The following TOX variants were observed in gnomAD, a reference collection of about 807,000 sequenced individuals.
TOX encodes the protein thymocyte selection associated high mobility group box.
A neutral mutation model predicts 53.7 loss-of-function variants in TOX; 11 were observed. The observed-to-expected ratio is 0.20, with a 90% CI of 0.13 to 0.34. The LOEUF is 0.34. TOX is among the 10% of genes least tolerant of loss of function. The probability of loss-of-function intolerance (pLI) is 1.00; values close to 1 mark genes in which losing one functional copy is unlikely to be tolerated. For synonymous variants in TOX, 225 were observed against 245.3 expected (o/e 0.92, Z 0.77); for missense variants, 570 against 664.6 (o/e 0.86, Z 1.56).
Position 58,807,742 on chromosome 8 carries a change from G to T in TOX, c.*5C>A. 6.2e-7 allele frequency: 1 copy of T among 1,614,090 alleles called. No homozygotes were observed. The highest frequency in any genetic ancestry group is 1.1e-5 in the South Asian group (1 of 91,080). The stretch of plus-strand genomic sequence containing the variant: ...CCTCAGTGGAAAGAAGAGGTGTTCA[G>T]ATTCTCAAGTAAGGTACAGTGCTTT... On this transcript the variant is annotated 3_prime_UTR_variant, in exon 9 of 9. Coordinates refer to ENST00000361421, the MANE Select transcript of TOX (RefSeq NM_014729.3).
chr8:59,112,032 T>G (rs1376460566), intron 1 of TOX, among the ~76,000 whole-genome samples: 2 of 152,212 alleles, frequency 1.3e-5, no homozygotes, highest in African/African-American at 4.8e-5. Flanking sequence ...AAATAGCTTT[T>G]AAAATTTAAC....
intron 1 of TOX, among the ~76,000 whole-genome samples, chr8:59,001,477 A>G (rs1813688100): frequency 6.6e-6 from 1 of 152,184 alleles, no homozygotes; most frequent in Non-Finnish European, 1.5e-5. Flanking sequence ...GCAATCAGTC[A>G]TCAGTTTTGA....
At chr8:59,025,144 G>C (rs1322262341) in intron 1 of TOX, among the ~76,000 whole-genome samples, 1 of 152,124 alleles carries the variant, frequency 6.6e-6, no homozygotes, top group Non-Finnish European at 1.5e-5. Flanking sequence ...TAGTACTGCA[G>C]CCTTGGGCGA....
intron 2 of TOX, among the ~76,000 whole-genome samples, chr8:58,946,511 A>G (rs1193103412): frequency 1.3e-5 from 2 of 152,210 alleles, no homozygotes; most frequent in Non-Finnish European, 2.9e-5. Flanking sequence ...CTTAACGCTC[A>G]GCAAGAATTG....
At chr8:58,949,036 T>C (rs1049315116) in intron 2 of TOX, among the ~76,000 whole-genome samples, 6 of 152,202 alleles carry the variant, frequency 3.9e-5, no homozygotes, top group Non-Finnish European at 8.8e-5. Flanking sequence ...GCTCATCCCT[T>C]AGTAGATGTA....
intron 1 of TOX, among the ~76,000 whole-genome samples, chr8:59,102,568 C>T (rs1044455423): frequency 3.3e-5 from 5 of 152,008 alleles, no homozygotes; most frequent in African/African-American, 9.7e-5. Flanking sequence ...TCGTGAGACC[C>T]GTTCACTATC....
At chr8:58,832,825 A>G (rs1810484951) in intron 5 of TOX, among the ~76,000 whole-genome samples, 2 of 152,228 alleles carry the variant, frequency 1.3e-5, no homozygotes, top group South Asian at 4.1e-4. Context: ...GGCGTCAAAC[A>G]TAGGAATAAA....
chr8:58,858,957 T>G (rs1156592658), intron 3 of TOX, among the ~76,000 whole-genome samples: 1 of 152,174 alleles, frequency 6.6e-6, no homozygotes, highest in African/African-American at 2.4e-5. Flanking sequence ...TGATTACATA[T>G]TTTTGCCAGG....
chr8:58,935,122 G>A (rs904381411), intron 3 of TOX, among the ~76,000 whole-genome samples: 1 of 152,054 alleles, frequency 6.6e-6, no homozygotes, highest in African/African-American at 2.4e-5. Context: ...AGAAACAGAG[G>A]CAGATACAAG....
intron 5 of TOX, 62 bp from the exon 6 acceptor site, chr8:58,826,964 A>G: frequency 1.5e-6 from 2 of 1,357,798 alleles, no homozygotes; most frequent in Non-Finnish European, 2.1e-6. Flanking sequence ...TCAGAGAAGT[A>G]CAATATAGAA....
chr8:58,836,574 G>A (rs531591969), intron 5 of TOX, among the ~76,000 whole-genome samples: 1 of 152,200 alleles, frequency 6.6e-6, no homozygotes, highest in East Asian at 1.9e-4. Flanking sequence ...ACTCCTTCAG[G>A]CTGGCAATCT....
chr8:58,874,974 G>C (rs1811259829), intron 3 of TOX, among the ~76,000 whole-genome samples: 1 of 152,206 alleles, frequency 6.6e-6, no homozygotes, highest in African/African-American at 2.4e-5. Context: ...AAGCTGTCCT[G>C]GGCCACATGT....
At chr8:58,811,127 T>C (rs1810069415) in intron 7 of TOX, among the ~76,000 whole-genome samples, 1 of 152,186 alleles carries the variant, frequency 6.6e-6, no homozygotes, top group Admixed American at 6.5e-5. Flanking sequence ...GACACATTCC[T>C]CTGAACACTA....
intron 1 of TOX, among the ~76,000 whole-genome samples, chr8:59,038,798 T>C (rs572660970): frequency 1.3e-5 from 2 of 152,352 alleles, no homozygotes; most frequent in African/African-American, 4.8e-5. Flanking sequence ...TAAAAAATAA[T>C]GTGTACTTAT....
chr8:58,822,117 T>C (rs1366990166), intron 6 of TOX, among the ~76,000 whole-genome samples: 2 of 152,274 alleles, frequency 1.3e-5, no homozygotes, highest in African/African-American at 2.4e-5. Context: ...AGAAGTTGTT[T>C]AACAATTCAA....
intron 1 of TOX, among the ~76,000 whole-genome samples, chr8:59,069,507 A>G (rs918326253): frequency 6.6e-6 from 1 of 152,214 alleles, no homozygotes; most frequent in Non-Finnish European, 1.5e-5. Context: ...TAGAGACATC[A>G]GTTTATAGTT....
intron 2 of TOX, among the ~76,000 whole-genome samples, chr8:58,943,529 A>C (rs1165002725): frequency 1.3e-5 from 2 of 150,770 alleles, no homozygotes; most frequent in African/African-American, 4.9e-5. Flanking sequence ...TCATTCTCCA[A>C]CTCTCTTGGG....
chr8:58,831,021 A>G (rs994846966), intron 5 of TOX, among the ~76,000 whole-genome samples: 1 of 152,162 alleles, frequency 6.6e-6, no homozygotes, highest in Non-Finnish European at 1.5e-5. Flanking sequence ...TTAAATGTCC[A>G]TCTTGTATAA....
intron 3 of TOX, among the ~76,000 whole-genome samples, chr8:58,910,791 A>G (rs1019951152): frequency 2.0e-5 from 3 of 152,128 alleles, no homozygotes; most frequent in Non-Finnish European, 4.4e-5. Flanking sequence ...GTATTCCTCT[A>G]TTTCAGTGGT....
Sources: allele counts gnomAD v4.1 joint callset (sites outside exome capture counted in the v4.1 genomes callset), GRCh38; gene constraint gnomAD v4.1.1; transcripts MANE v1.5; gene names NCBI Gene and HGNC (gene_info 2026-07-23, HGNC 2026-07-21).